The following DAB1 variants were observed in gnomAD, a reference collection of about 807,000 sequenced individuals.
DAB1 encodes the protein DAB adaptor protein 1, also known as disabled homolog 1.
A neutral mutation model predicts 64.6 loss-of-function variants in DAB1; 15 were observed. The ratio of observed to expected loss-of-function variants is 0.23; its 90% CI spans 0.16 to 0.36. DAB1 has a LOEUF of 0.36. DAB1 is among the 10% of genes least tolerant of loss of function. DAB1 has a pLI of 1.00. For missense variants in DAB1, 596 were observed against 706.7 expected (o/e 0.84, Z 1.78); for synonymous variants, 235 against 251.9 (o/e 0.93, Z 0.64).
chr1:56,996,658 T>C lies in DAB1; in HGVS notation c.*1486A>G, dbSNP rs576935735. ...AGGGTGGGGACTCTCGTGGAAAGGCTAGATGATGGAGTCACGTGCTCCCTT... is the reference window on the plus strand; with the variant it reads ...AGGGTGGGGACTCTCGTGGAAAGGCCAGATGATGGAGTCACGTGCTCCCTT... On this transcript the variant is annotated 3_prime_UTR_variant, in exon 15 of 15. Coordinates refer to ENST00000371236, the MANE Select transcript of DAB1 (RefSeq NM_001365792.1). 2 of 152,506 alleles carry C rather than the reference T, an allele frequency of 1.3e-5. No individual in the cohort carries two copies. Among genetic ancestry groups the C allele is most frequent in the East Asian group, 3.9e-4 (2 of 5,170 alleles). 9.4% of individuals were successfully genotyped at this position (152,506 alleles called of 1,614,324 possible).
At chr1:57,647,614 C>A (rs116706665) in intron 7 of DAB1, among the ~76,000 whole-genome samples, 4,168 of 152,252 alleles carry the variant, frequency 0.027, 172 homozygotes, top group African/African-American at 0.092. Context: ...GGAACACAGA[C>A]CACTGAGTTT....
At chr1:57,310,629 G>C (rs985195880) in intron 1 of DAB1, among the ~76,000 whole-genome samples, 2 of 152,002 alleles carry the variant, frequency 1.3e-5, no homozygotes, top group Non-Finnish European at 2.9e-5. Flanking sequence ...CTTTTGTGAG[G>C]CTCCCTTTCC....
chr1:58,030,630 G>A (rs1224533113), intron 5 of DAB1, among the ~76,000 whole-genome samples: 1 of 152,172 alleles, frequency 6.6e-6, no homozygotes, highest in African/African-American at 2.4e-5. Flanking sequence ...ACATGAGATG[G>A]CCCCATCCTC....
intron 9 of DAB1, among the ~76,000 whole-genome samples, chr1:57,053,490 C>T (rs758968072): frequency 7.3e-5 from 11 of 151,474 alleles, no homozygotes; most frequent in Non-Finnish European, 1.6e-4. Context: ...CCAAGAGATC[C>T]TCCCACCTCC....
chr1:58,213,694 T>C (rs1658687609), intron 4 of DAB1, among the ~76,000 whole-genome samples: 1 of 152,088 alleles, frequency 6.6e-6, no homozygotes, highest in South Asian at 2.1e-4. Flanking sequence ...CCAAACCATA[T>C]CACTTATATA....
chr1:57,731,065 A>G (rs1209253579), intron 6 of DAB1, among the ~76,000 whole-genome samples: 1 of 152,272 alleles, frequency 6.6e-6, no homozygotes, highest in African/African-American at 2.4e-5. Context: ...GGTGGAAGCA[A>G]CCCAAATGTC....
intron 7 of DAB1, among the ~76,000 whole-genome samples, chr1:57,443,411 C>T (rs1031209659): frequency 2.0e-5 from 3 of 152,218 alleles, no homozygotes; most frequent in Admixed American, 2.0e-4. Context: ...TTTCTCCTTG[C>T]TCCCTGAACA....
At chr1:58,530,449 C>T (rs1034728974) in intron 1 of DAB1, 191 of 510,272 alleles carry the variant, frequency 3.7e-4, no homozygotes, top group East Asian at 1.3e-3. Flanking sequence ...ATAAGAATAT[C>T]CCCTAAAAAC....
At chr1:57,958,051 C>T (rs1329359892) in intron 5 of DAB1, among the ~76,000 whole-genome samples, 2 of 151,590 alleles carry the variant, frequency 1.3e-5, no homozygotes, top group African/African-American at 4.9e-5. Context: ...GTAGCATGAT[C>T]TCAGCTCACT....
At chr1:57,042,368 T>C (rs1022779515) in intron 9 of DAB1, among the ~76,000 whole-genome samples, 6 of 152,216 alleles carry the variant, frequency 3.9e-5, no homozygotes, top group African/African-American at 1.4e-4. Context: ...ATAAGACCTT[T>C]CCTCTGTCTG....
At chr1:57,410,492 C>T (rs898927663) in intron 1 of DAB1, among the ~76,000 whole-genome samples, 1 of 152,180 alleles carries the variant, frequency 6.6e-6, no homozygotes. Flanking sequence ...AAGAAAGAGA[C>T]ACATACCTTG....
chr1:57,906,201 T>C (rs1362597015), intron 5 of DAB1, among the ~76,000 whole-genome samples: 1 of 152,136 alleles, frequency 6.6e-6, no homozygotes, highest in African/African-American at 2.4e-5. Context: ...ATTGTGTATG[T>C]AGAAAAGTTT....
intron 7 of DAB1, among the ~76,000 whole-genome samples, chr1:57,612,797 A>T (rs985936792): frequency 7.2e-5 from 11 of 152,146 alleles, no homozygotes; most frequent in African/African-American, 2.7e-4. Context: ...CCCACCCCCC[A>T]ACTAGAATGT....
At chr1:57,640,346 T>C (rs1369032205) in intron 7 of DAB1, among the ~76,000 whole-genome samples, 2 of 152,236 alleles carry the variant, frequency 1.3e-5, no homozygotes, top group Non-Finnish European at 2.9e-5. Context: ...AAATGTATTG[T>C]ATTAACTTAT....
At chr1:57,871,362 CAT>C (rs1643945871) in intron 1 of DAB1, among the ~76,000 whole-genome samples, 1 of 152,122 alleles carries the variant, frequency 6.6e-6, no homozygotes. Context: ...TCACATCAAT[CAT>C]ATGAGATAAA....
chr1:57,258,370 G>A (rs1262670792), intron 2 of DAB1, among the ~76,000 whole-genome samples: 1 of 152,032 alleles, frequency 6.6e-6, no homozygotes, highest in Non-Finnish European at 1.5e-5. Flanking sequence ...TTTTTTGCCT[G>A]ATCAATCATC....
chr1:57,254,609 G>A (rs899059925), intron 2 of DAB1, among the ~76,000 whole-genome samples: 3 of 151,576 alleles, frequency 2.0e-5, no homozygotes, highest in Admixed American at 6.6e-5. Flanking sequence ...ACAAAGATGC[G>A]TATGTACCAT....
chr1:57,896,298 G>T (rs762635124), intron 5 of DAB1, among the ~76,000 whole-genome samples: 6 of 151,872 alleles, frequency 4.0e-5, no homozygotes, highest in Non-Finnish European at 8.8e-5. Context: ...TTAGCCTAGG[G>T]CATATACTCA....
At chr1:58,283,815 C>T (rs1378673002) in intron 4 of DAB1, among the ~76,000 whole-genome samples, 1 of 152,336 alleles carries the variant, frequency 6.6e-6, no homozygotes, top group East Asian at 1.9e-4. Context: ...CCCACATTGT[C>T]TAGTCTTGAC....
Sources: gnomAD v4.1 joint callset for allele counts (sites outside exome capture counted in the v4.1 genomes callset) on GRCh38, gnomAD v4.1.1 for gene constraint, MANE v1.5 for transcripts, NCBI Gene and HGNC (gene_info 2026-07-23, HGNC 2026-07-21) for gene names.